Variants in CMTM8 observed in about 807,000 individuals in gnomAD.
CMTM8 encodes the protein CKLF like MARVEL transmembrane domain containing 8.
Under a neutral mutation model 18.6 loss-of-function variants are expected in CMTM8, and 12 were observed. The ratio of observed to expected loss-of-function variants is 0.65; its 90% confidence interval spans 0.41 to 1.05. The LOEUF is 1.05. Among genes scored for constraint, CMTM8 ranks in the 50% least tolerant of loss-of-function variants. The pLI, the probability that CMTM8 is intolerant of heterozygous loss-of-function variation, is 0.00. For synonymous variants in CMTM8, 87 were observed against 90.6 expected (o/e 0.96, Z 0.23); for missense variants, 217 against 227.2 (o/e 0.95, Z 0.29).
At chr3:32,263,173 C>G (rs1228399459) in intron 1 of CMTM8, among the ~76,000 whole-genome samples, 1 of 152,166 alleles carries the variant, frequency 6.6e-6, no homozygotes, top group Non-Finnish European at 1.5e-5. Context: ...GTCCCTGACC[C>G]CTGAGTAGCC....
intron 1 of CMTM8, among the ~76,000 whole-genome samples, chr3:32,329,595 C>T (rs1696231434): frequency 6.6e-6 from 1 of 152,104 alleles, no homozygotes; most frequent in African/African-American, 2.4e-5. Flanking sequence ...ACACTAAACA[C>T]ACTTGGAATA....
chr3:32,324,812 A>T (rs143287410), intron 1 of CMTM8, among the ~76,000 whole-genome samples: 22 of 152,348 alleles, frequency 1.4e-4, no homozygotes, highest in African/African-American at 5.3e-4. Flanking sequence ...CCCCCATAGG[A>T]AAACAAAGAC....
In CMTM8 at chr3:32,366,991, T is replaced by C. The variant is rs901229446; in HGVS notation, c.322-881T>C. ...CAGGGCCTGCAGTGGGAAAATTCTA[T>C]GTAGCTTTTTTTTCTCTGAGAAGAA... On this transcript the variant is annotated intron_variant, in intron 2 of 3. Transcript: ENST00000307526. Among the ~76,000 whole-genome samples, 22 of 152,140 alleles carry C rather than the reference T, an allele frequency of 1.4e-4. 1 individual carries two copies. Among genetic ancestry groups the C allele is most frequent in the African/African-American group, 4.8e-4 (20 of 41,416 alleles).
At chr3:32,293,270 G>A (rs766766169) in intron 1 of CMTM8, among the ~76,000 whole-genome samples, 9 of 152,098 alleles carry the variant, frequency 5.9e-5, no homozygotes, top group Non-Finnish European at 1.2e-4. Flanking sequence ...CTGTGCTCAG[G>A]CCAGGCGTGG....
chr3:32,241,294 A>G (rs761847388), intron 1 of CMTM8, among the ~76,000 whole-genome samples: 66 of 152,256 alleles, frequency 4.3e-4, no homozygotes, highest in Non-Finnish European at 8.1e-4. Context: ...CTCCAATTAT[A>G]CATACCCTCT....
intron 1 of CMTM8, among the ~76,000 whole-genome samples, chr3:32,347,620 G>A (rs1696627039): frequency 6.6e-6 from 1 of 152,064 alleles, no homozygotes; most frequent in Non-Finnish European, 1.5e-5. Flanking sequence ...TCTCAGTGAA[G>A]TTTCCCACAA....
chr3:32,284,795 G>T (rs1183242412), intron 1 of CMTM8, among the ~76,000 whole-genome samples: 1 of 152,180 alleles, frequency 6.6e-6, no homozygotes. Context: ...TGAGGGAAAG[G>T]TTTTTGTTTT....
intron 1 of CMTM8, among the ~76,000 whole-genome samples, chr3:32,309,067 T>C (rs1338928270): frequency 6.6e-6 from 1 of 152,306 alleles, no homozygotes; most frequent in East Asian, 1.9e-4. Flanking sequence ...TAGTGAGAAC[T>C]GGGTGTCCTG....
chr3:32,246,662 C>G (rs1702019893), intron 1 of CMTM8, among the ~76,000 whole-genome samples: 1 of 152,184 alleles, frequency 6.6e-6, no homozygotes, highest in South Asian at 2.1e-4. Flanking sequence ...CATAAATATC[C>G]AGGCTCCTAC....
rs140270969 is a variant in CMTM8, at chr3:32,361,286, G to GTTTGTTTTTTTTTTTTTTTT, written c.321+3743_321+3744insGTTTTTTTTTTTTTTTTTTT. Among the ~76,000 whole-genome samples the GTTTGTTTTTTTTTTTTTTTT allele has an allele frequency of 3.5e-3, 307 of 87,156 alleles. 19 individuals carry two copies. Among genetic ancestry groups the GTTTGTTTTTTTTTTTTTTTT allele is most frequent in the Non-Finnish European group, 4.6e-3 (191 of 41,906 alleles). 57.2% of individuals were successfully genotyped at this position (87,156 alleles called of 152,430 possible). ...GTGAGCCACGGCGCCCAGCCTAAGA[G>GTTTGTTTTTTTTTTTTTTTT]TTTTTTTTTCTTTCAAATTTTGGAA... On this transcript the variant is annotated intron_variant, in intron 2 of 3. Coordinates refer to ENST00000307526, the MANE Select transcript of CMTM8 (RefSeq NM_178868.5).
Position 32,328,485 on chromosome 3 carries a change from C to T in CMTM8, c.148-28888C>T, listed in dbSNP as rs1276412167. Among the ~76,000 whole-genome samples the T allele has an allele frequency of 2.3e-4, 13 of 55,456 alleles. No individual in the cohort carries two copies. The East Asian group carries it at 2.4e-3, about 10-fold the overall frequency. The allele number at this position is 55,456 out of a possible 152,430, so 36.4% of individuals were successfully genotyped here. A position where few individuals can be genotyped will look rare whatever the true frequency, so the allele number is the denominator to read the frequency against. On this transcript the variant is annotated intron_variant, in intron 1 of 3. Coordinates refer to ENST00000307526, the MANE Select transcript of CMTM8 (RefSeq NM_178868.5). The stretch of plus-strand genomic sequence containing the variant: ...AGGCTGCAGTGAGCTCTGATCGTGC[C>T]GCTGCAGTGAGCTCTGATCGTGCCA...
chr3:32,256,230 A>G (rs1478461931), intron 1 of CMTM8, among the ~76,000 whole-genome samples: 2 of 36,384 alleles, frequency 5.5e-5, no homozygotes, highest in Non-Finnish European at 1.1e-4. Flanking sequence ...CCAAGCCTGG[A>G]TAATTTTTTT....
Position 32,238,853 on chromosome 3 carries a change from T to C in CMTM8, c.-120T>C, listed in dbSNP as rs1680870671. 1.6e-5 allele frequency: 15 copies of C among 932,580 alleles called. No individual in the cohort carries two copies. Among genetic ancestry groups the C allele is most frequent in the Non-Finnish European group, 2.0e-5 (14 of 703,524 alleles). 57.8% of individuals were successfully genotyped at this position (932,580 alleles called of 1,614,324 possible). On this transcript the variant is annotated 5_prime_UTR_variant, in exon 1 of 4. Coordinates refer to ENST00000307526, the MANE Select transcript of CMTM8 (RefSeq NM_178868.5). ...CGGCGGGCGCCCCCCTCGCACCTCC[T>C]GCCCCGCGCGGGCCGCGCTCCCCTC...
In CMTM8 at chr3:32,238,854, GCCCCGCGCGGGCCGCGCTCCCCTC is replaced by G; in HGVS notation, c.-110_-87del. 1.1e-6 allele frequency: 1 copy of G among 947,144 alleles called. No homozygotes were observed. Among genetic ancestry groups the G allele is most frequent in the Non-Finnish European group, 1.4e-6 (1 of 715,384 alleles). The allele number at this position is 947,144 out of a possible 1,614,324, so 58.7% of individuals were successfully genotyped here. A position where few individuals can be genotyped will look rare whatever the true frequency, so the allele number is the denominator to read the frequency against. Reference sequence around the variant, plus strand: ...GGCGGGCGCCCCCCTCGCACCTCCTGCCCCGCGCGGGCCGCGCTCCCCTCCCCCGCGCCTGTGTCCCCAGGGCGC... The same window carrying G: ...GGCGGGCGCCCCCCTCGCACCTCCTGCCCCGCGCCTGTGTCCCCAGGGCGC... On this transcript the variant is annotated 5_prime_UTR_variant, in exon 1 of 4. Transcript: ENST00000307526.
At chr3:32,363,470 C>A (rs112592156) in intron 2 of CMTM8, among the ~76,000 whole-genome samples, 2,299 of 152,254 alleles carry the variant, frequency 0.015, 63 homozygotes, top group African/African-American at 0.052. Flanking sequence ...GTCACCTGAC[C>A]ACATCTCCTT....
chr3:32,277,045 C>T (rs1037528858), intron 1 of CMTM8, among the ~76,000 whole-genome samples: 23 of 151,682 alleles, frequency 1.5e-4, no homozygotes, highest in Non-Finnish European at 1.2e-4. Context: ...CCACCATCCC[C>T]GGCTAAGTTA....
intron 1 of CMTM8, chr3:32,259,557 A>G (rs1234587039): frequency 2.5e-5 from 21 of 833,346 alleles, no homozygotes; most frequent in South Asian, 1.8e-4. Context: ...GAGGCTCTCA[A>G]GAAGGAACTG....
At chr3:32,295,007 A>G (rs1347172868) in intron 1 of CMTM8, among the ~76,000 whole-genome samples, 2 of 152,172 alleles carry the variant, frequency 1.3e-5, no homozygotes, top group African/African-American at 4.8e-5. Context: ...GTGAGCTGAT[A>G]TCATGCCACT....
intron 1 of CMTM8, among the ~76,000 whole-genome samples, chr3:32,269,596 GC>G (rs74385319): frequency 0.046 from 7,060 of 152,190 alleles, 641 homozygotes; most frequent in East Asian, 0.42. Context: ...TCAGGTGGGA[GC>G]TGACGCTTTT....
Sources: gnomAD v4.1 joint callset for allele counts (sites outside exome capture counted in the v4.1 genomes callset) on GRCh38, gnomAD v4.1.1 for gene constraint, MANE v1.5 for transcripts, NCBI Gene and HGNC (gene_info 2026-07-23, HGNC 2026-07-21) for gene names.